AGO2: variants seen among roughly 807,000 people sequenced by gnomAD.
AGO2 encodes the protein argonaute RISC catalytic component 2, also known as protein argonaute-2.
A neutral mutation model predicts 102.3 loss-of-function variants in AGO2; 5 were observed. That is an observed-to-expected ratio of 0.05 (90% CI 0.03 to 0.10). The LOEUF (loss-of-function observed/expected upper bound fraction) is 0.10. Ranked by LOEUF, AGO2 falls within the 10% of genes least tolerant of loss-of-function variation. AGO2 has a pLI of 1.00. For missense variants in AGO2, 541 were observed against 1,183.7 expected (o/e 0.46, Z 7.97); for synonymous variants, 449 against 473.1 (o/e 0.95, Z 0.66).
rs56012516 is a variant in AGO2, at chr8:140,594,825, CTGTG to C, written c.23-9518_23-9515del. On this transcript the variant is annotated intron_variant, in intron 1 of 18. Transcript: ENST00000220592. ...ACCCGTCTCGACGGAAAGAAAAAAA[CTGTG>C]TGTGTGTGTGTGTGTGTGTGTGTGT... Among the ~76,000 whole-genome samples, 317 of 146,108 alleles carry C rather than the reference CTGTG, an allele frequency of 2.2e-3. 2 individuals carry two copies. The highest frequency in any genetic ancestry group is 0.011 in the Middle Eastern group (3 of 282).
chr8:140,635,885 C>T (rs1176548179), upstream of AGO2, among the ~76,000 whole-genome samples: 1 of 121,902 alleles, frequency 8.2e-6, no homozygotes. Context: ...GAACCGCGGG[C>T]GGGAGCGGGG....
At chr8:140,552,404 G>C (rs1267693443) in intron 10 of AGO2, among the ~76,000 whole-genome samples, 1 of 152,238 alleles carries the variant, frequency 6.6e-6, no homozygotes. Flanking sequence ...GGCCAGGAAG[G>C]GTCCCGTGTG....
chr8:140,634,845 A>G (rs2074383827), intron 1 of AGO2, among the ~76,000 whole-genome samples: 1 of 152,218 alleles, frequency 6.6e-6, no homozygotes, highest in African/African-American at 2.4e-5. Flanking sequence ...GGAATTGGCC[A>G]AAATTCAGCA....
At chr8:140,586,868 G>A (rs1358849127) in intron 1 of AGO2, among the ~76,000 whole-genome samples, 3 of 152,154 alleles carry the variant, frequency 2.0e-5, no homozygotes. Flanking sequence ...TCGATTTCAG[G>A]GTCGGGCACG....
rs1303441507 is a variant in AGO2, at chr8:140,560,411, G to A, written c.618C>T (p.Val206=). ...GCATCATTTTCCAGAGAGAAGGCCG[G>A]ACGGACTGATGGAAGCCAAACCACA... ...REVWFGFHQS[V]RPSLWKMMLN... The change falls in exon 5 of 19, where the codon GTC becomes GTT. Residue 206 remains valine, a synonymous_variant. Coordinates refer to ENST00000220592, the MANE Select transcript of AGO2 (RefSeq NM_012154.5). 3 of 1,614,138 alleles carry A rather than the reference G, an allele frequency of 1.9e-6. No individual in the cohort carries two copies. The highest frequency in any genetic ancestry group is 2.2e-5 in the East Asian group (1 of 44,904).
chr8:140,562,510 A>T lies in AGO2; in HGVS notation c.461T>A (p.Val154Asp), dbSNP rs2073219035. The change falls in exon 4 of 19, where the codon GTC becomes GAC. Residue 154 changes from valine to aspartate, a missense_variant. Val to Asp is a radical substitution (Grantham distance 152, BLOSUM62 -3). Around this residue, in one of 6 missense-constraint regions of AGO2, gnomAD observed 147 missense variants for 204.1 expected, o/e 0.72. Coordinates refer to ENST00000220592, the MANE Select transcript of AGO2 (RefSeq NM_012154.5). ...HDALSGRLPS[V>D]PFETIQALDV... Reference sequence around the variant, plus strand: ...CAGGGCCTGGATCGTCTCAAAAGGGACGCTGGGCAGCCGCCCTGAAAGTGC... The same window carrying T: ...CAGGGCCTGGATCGTCTCAAAAGGGTCGCTGGGCAGCCGCCCTGAAAGTGC... 1 of 1,613,848 alleles carries T rather than the reference A, an allele frequency of 6.2e-7. No individual in the cohort carries two copies. Among genetic ancestry groups the T allele is most frequent in the Non-Finnish European group, 8.5e-7 (1 of 1,180,028 alleles).
At chr8:140,581,249 T>TCA (rs965547677) in intron 2 of AGO2, among the ~76,000 whole-genome samples, 3 of 152,144 alleles carry the variant, frequency 2.0e-5, no homozygotes, top group Non-Finnish European at 2.9e-5. Flanking sequence ...CTAAACAGGC[T>TCA]CACGCCTGTA....
intron 10 of AGO2, among the ~76,000 whole-genome samples, chr8:140,555,183 T>C (rs2073073728): frequency 6.6e-6 from 1 of 152,172 alleles, no homozygotes; most frequent in East Asian, 1.9e-4. Context: ...AGAGCCCTGG[T>C]GTCCCTTCCA....
intron 1 of AGO2, among the ~76,000 whole-genome samples, chr8:140,626,045 C>T (rs1199517171): frequency 6.6e-6 from 1 of 152,232 alleles, no homozygotes; most frequent in African/African-American, 2.4e-5. Flanking sequence ...TAGGGCCACT[C>T]GAGCCACCAC....
In AGO2 at chr8:140,547,458, C is replaced by T. The variant is rs1456468149; in HGVS notation, c.1748+10G>A. On this transcript the variant is annotated intron_variant, in intron 13 of 18. Transcript: ENST00000220592. Reference sequence around the variant, plus strand: ...GGTCCGCAGGCGGAGGTAAAGGGGCCGGGCCTCACCTGCCCTGGGGCAGCA... The same window carrying T: ...GGTCCGCAGGCGGAGGTAAAGGGGCTGGGCCTCACCTGCCCTGGGGCAGCA... 23 of 1,612,386 alleles carry T rather than the reference C, an allele frequency of 1.4e-5. No homozygotes were observed. The highest frequency in any genetic ancestry group is 3.3e-5 in the Admixed American group (2 of 59,908).
At chr8:140,611,509 G>A (rs2152101588) in intron 1 of AGO2, among the ~76,000 whole-genome samples, 1 of 152,082 alleles carries the variant, frequency 6.6e-6, no homozygotes, top group South Asian at 2.1e-4. Context: ...TGTATTTTTA[G>A]TAGAGACGAG....
chr8:140,628,586 C>T (rs1367895621), intron 1 of AGO2, among the ~76,000 whole-genome samples: 2 of 149,482 alleles, frequency 1.3e-5, no homozygotes, highest in East Asian at 4.0e-4. Flanking sequence ...AGGAGGATTA[C>T]TTGAGGCCAG....
chr8:140,555,720 C>A, intron 10 of AGO2, 176 bp downstream of exon 10: 1 of 904,090 alleles, frequency 1.1e-6, no homozygotes, highest in South Asian at 2.1e-5. Context: ...TAAAAAGGAC[C>A]AAGGAAAGCC....
chr8:140,627,382 G>C (rs1174545530), intron 1 of AGO2, among the ~76,000 whole-genome samples: 2 of 152,222 alleles, frequency 1.3e-5, no homozygotes, highest in Non-Finnish European at 2.9e-5. Flanking sequence ...TATGACCTAT[G>C]AACTTCAGTT....
At chr8:140,585,684 T>C (rs1312887994) in intron 1 of AGO2, among the ~76,000 whole-genome samples, 1 of 152,208 alleles carries the variant, frequency 6.6e-6, no homozygotes, top group Non-Finnish European at 1.5e-5. Context: ...CTTTTTACTA[T>C]GCATAAGCGG....
intron 3 of AGO2, 129 bp downstream of exon 3, chr8:140,572,683 G>T: frequency 7.7e-7 from 1 of 1,300,304 alleles, no homozygotes; most frequent in South Asian, 1.6e-5. Flanking sequence ...GAAGCATGTG[G>T]CAGTGAACTG....
rs1266120030 is a variant in AGO2, at chr8:140,540,667, T to C, written c.2034+497A>G. ...GACCCATTGTGGCCGTCCCTCTCTC[T>C]ACATCCAGACAGTGGCCGCGTCCTG... On this transcript the variant is annotated intron_variant, in intron 15 of 18. Transcript: ENST00000220592. This position sits in a 1 kb window ranked among gnomAD's most constrained non-coding sequence, Gnocchi z 5.0. 6.6e-6 allele frequency among the ~76,000 whole-genome samples: 1 copy of C among 152,192 alleles called. No homozygotes were observed. The highest frequency in any genetic ancestry group is 1.5e-5 in the Non-Finnish European group (1 of 68,020).
rs2072479932 is a variant in AGO2 at position 140,525,142 on chromosome 8, A to T, written c.*6902T>A. 1 of 152,272 alleles carries T rather than the reference A, an allele frequency of 6.6e-6. No individual in the cohort carries two copies. Among genetic ancestry groups the T allele is most frequent in the Admixed American group, 6.5e-5 (1 of 15,292 alleles). 9.4% of individuals were successfully genotyped at this position (152,272 alleles called of 1,614,324 possible). On this transcript the variant is annotated 3_prime_UTR_variant, in exon 19 of 19. Transcript: ENST00000220592. ...CACATCTAACATTTCCACACCAACC[A>T]ATAAGATAGAAACGTGTTAACAAAA... is the stretch of plus-strand genomic sequence containing the variant.
intron 17 of AGO2, 130 bp from the exon 18 acceptor site, chr8:140,532,745 C>T: frequency 9.2e-7 from 1 of 1,087,806 alleles, no homozygotes. Flanking sequence ...GCCTGTAATC[C>T]CAGCACTTTG....
Sources: allele counts gnomAD v4.1 joint callset (sites outside exome capture counted in the v4.1 genomes callset), GRCh38; gene constraint gnomAD v4.1.1; regional missense constraint gnomAD v4.1.1; non-coding constraint Gnocchi (gnomAD v3.1); transcripts MANE v1.5; gene names NCBI Gene and HGNC (gene_info 2026-07-23, HGNC 2026-07-21).